Variants in PTPRD observed in about 807,000 individuals in gnomAD.
PTPRD encodes receptor-type tyrosine-protein phosphatase delta.
Under a neutral mutation model 214.5 loss-of-function variants are expected in PTPRD, and 34 were observed. That is an observed-to-expected ratio of 0.16 (90% CI 0.12 to 0.21). The LOEUF (loss-of-function observed/expected upper bound fraction) is 0.21, where lower values mean the gene tolerates loss of function less well. Ranked by LOEUF, PTPRD falls within the 10% of genes least tolerant of loss-of-function variation. The probability of loss-of-function intolerance (pLI) is 1.00; values close to 1 mark genes in which losing one functional copy is unlikely to be tolerated. For synonymous variants in PTPRD, 1,128 were observed against 845.7 expected (o/e 1.33, Z -5.79); for missense variants, 2,545 against 2,398.7 (o/e 1.06, Z -1.27).
intron 2 of PTPRD, among the ~76,000 whole-genome samples, chr9:10,378,275 T>C (rs1380722201): frequency 1.3e-5 from 2 of 152,066 alleles, no homozygotes; most frequent in Non-Finnish European, 2.9e-5. Flanking sequence ...GTCTCTTTAC[T>C]TTGTTAATGG....
intron 11 of PTPRD, among the ~76,000 whole-genome samples, chr9:8,812,896 C>G (rs1365987348): frequency 6.6e-6 from 1 of 151,846 alleles, no homozygotes; most frequent in Non-Finnish European, 1.5e-5. Flanking sequence ...TCAATCCTGT[C>G]AAAATAATCT....
intron 10 of PTPRD, among the ~76,000 whole-genome samples, chr9:9,123,832 T>A (rs1352591969): frequency 6.6e-6 from 1 of 151,948 alleles, no homozygotes; most frequent in Non-Finnish European, 1.5e-5. Context: ...TGATGAGGGG[T>A]CAACAGGAAT....
At chr9:9,739,577 CTATT>C (rs2098364946) in intron 6 of PTPRD, among the ~76,000 whole-genome samples, 1 of 151,798 alleles carries the variant, frequency 6.6e-6, no homozygotes, top group South Asian at 2.1e-4. Context: ...CTTGAATCCT[CTATT>C]TTTTTTACTT....
chr9:8,443,404 G>C (rs550557290), intron 34 of PTPRD, among the ~76,000 whole-genome samples: 3 of 152,298 alleles, frequency 2.0e-5, no homozygotes, highest in African/African-American at 4.8e-5. Context: ...AGAAGAGACA[G>C]CTCAAGAGCT....
intron 8 of PTPRD, among the ~76,000 whole-genome samples, chr9:9,498,654 T>C (rs1393900491): frequency 6.6e-6 from 1 of 152,058 alleles, no homozygotes; most frequent in Non-Finnish European, 1.5e-5. Context: ...CATATAAATA[T>C]TTATTGGGGT....
rs142137636 is a variant in PTPRD, at chr9:10,360,898, C to G, written c.-599-19881G>C. 5.3e-3 allele frequency among the ~76,000 whole-genome samples: 809 copies of G among 152,160 alleles called. 6 individuals carry two copies. Among genetic ancestry groups the G allele is most frequent in the Non-Finnish European group, 9.0e-3 (613 of 68,002 alleles). On this transcript the variant is annotated intron_variant, in intron 2 of 45. Transcript: ENST00000381196. ...CGGGCAGATCGCGAGGTCAGGAGAT[C>G]GAGGCCATCCTGGCTAACACGATGA...
chr9:9,047,893 G>T lies in PTPRD; in HGVS notation c.-142-29158C>A, dbSNP rs771377420. Among the ~76,000 whole-genome samples the T allele has an allele frequency of 2.0e-5, 3 of 152,102 alleles. No individual in the cohort carries two copies. In the South Asian group the frequency reaches 6.2e-4, roughly 32 times the overall value. ...AAATGGACAAATTGGATCACCTCAG[G>T]TTAAAAACCATTCTCAAAGCAAAGG... On this transcript the variant is annotated intron_variant, in intron 10 of 45. Transcript: ENST00000381196.
At chr9:10,305,702 C>T (rs974122314) in intron 3 of PTPRD, among the ~76,000 whole-genome samples, 1 of 152,070 alleles carries the variant, frequency 6.6e-6, no homozygotes, top group African/African-American at 2.4e-5. Context: ...TAGAGAAATA[C>T]AAATCAAAAC....
intron 11 of PTPRD, among the ~76,000 whole-genome samples, chr9:8,740,547 G>C (rs1424895270): frequency 6.6e-6 from 1 of 152,122 alleles, no homozygotes; most frequent in Non-Finnish European, 1.5e-5. Context: ...CATTGAACAA[G>C]GTTATTGAAT....
chr9:9,468,050 T>A (rs1041189094), intron 8 of PTPRD, among the ~76,000 whole-genome samples: 3 of 152,094 alleles, frequency 2.0e-5, no homozygotes, highest in African/African-American at 7.2e-5. Flanking sequence ...GTGGAGCAGT[T>A]TTGCATTTGA....
intron 8 of PTPRD, among the ~76,000 whole-genome samples, chr9:9,496,232 T>C (rs1589875147): frequency 6.6e-6 from 1 of 152,128 alleles, no homozygotes; most frequent in African/African-American, 2.4e-5. Context: ...GGAGAATTCT[T>C]TAAAATTGTA....
chr9:9,933,012 C>G (rs1454407143), intron 5 of PTPRD, among the ~76,000 whole-genome samples: 1 of 151,656 alleles, frequency 6.6e-6, no homozygotes, highest in Non-Finnish European at 1.5e-5. Context: ...AAATCCTTTA[C>G]AGACAAGCAA....
At chr9:9,969,623 G>A (rs1438245838) in intron 4 of PTPRD, among the ~76,000 whole-genome samples, 2 of 152,170 alleles carry the variant, frequency 1.3e-5, no homozygotes, top group Admixed American at 6.5e-5. Flanking sequence ...CAAAGAACAA[G>A]TTTACATTTT....
chr9:9,417,714 A>T (rs1205944794), intron 8 of PTPRD, among the ~76,000 whole-genome samples: 6 of 152,082 alleles, frequency 3.9e-5, no homozygotes, highest in Admixed American at 1.3e-4. Flanking sequence ...CTATTTTTTT[A>T]AAATTGCATT....
intron 3 of PTPRD, among the ~76,000 whole-genome samples, chr9:10,078,098 A>G (rs1367621865): frequency 7.0e-6 from 1 of 143,198 alleles, no homozygotes; most frequent in East Asian, 2.0e-4. Flanking sequence ...AATATTAGAA[A>G]ATAACTTAGT....
intron 11 of PTPRD, among the ~76,000 whole-genome samples, chr9:8,759,154 C>T (rs940607277): frequency 1.5e-4 from 23 of 152,206 alleles, no homozygotes; most frequent in African/African-American, 5.3e-4. Context: ...CCTCTGCCTC[C>T]CAAGTAGCTA....
Position 9,417,002 on chromosome 9 carries a change from A to G in PTPRD, c.-236-19520T>C, listed in dbSNP as rs2077184772. On this transcript the variant is annotated intron_variant, in intron 8 of 45. Coordinates refer to ENST00000381196, the MANE Select transcript of PTPRD (RefSeq NM_002839.4). ...TTCTACTAACAGCTTATGTATACCA[A>G]GTAAGATCAGTGAACAAAATAAACC... 2.6e-5 allele frequency among the ~76,000 whole-genome samples: 4 copies of G among 152,138 alleles called. No homozygotes were observed. In the South Asian group the frequency reaches 8.3e-4, roughly 32 times the overall value.
At chr9:9,843,763 C>A (rs554875930) in intron 5 of PTPRD, among the ~76,000 whole-genome samples, 18 of 151,902 alleles carry the variant, frequency 1.2e-4, no homozygotes, top group Non-Finnish European at 2.7e-4. Context: ...ATATAAATTG[C>A]TGATTAAATA....
intron 11 of PTPRD, among the ~76,000 whole-genome samples, chr9:8,804,387 C>T (rs1024885870): frequency 6.6e-6 from 1 of 151,856 alleles, no homozygotes; most frequent in Non-Finnish European, 1.5e-5. Flanking sequence ...CACTAGAACC[C>T]ACAAATTTGA....
Sources: gnomAD v4.1 joint callset for allele counts (sites outside exome capture counted in the v4.1 genomes callset) on GRCh38, gnomAD v4.1.1 for gene constraint, MANE v1.5 for transcripts, NCBI Gene and HGNC (gene_info 2026-07-23, HGNC 2026-07-21) for gene names.